The following PKHD1 variants were observed in gnomAD, a reference collection of about 807,000 sequenced individuals.
PKHD1 encodes PKHD1 ciliary IPT domain containing fibrocystin/polyductin.
PKHD1 carries 291 observed loss-of-function variants against 412.0 expected under a neutral mutation model. The ratio of observed to expected loss-of-function variants is 0.71; its 90% CI spans 0.64 to 0.78. The LOEUF is 0.78. Ranked by LOEUF, PKHD1 falls within the 30% of genes least tolerant of loss-of-function variation. PKHD1 has a pLI of 0.00. For synonymous variants in PKHD1, 1,777 were observed against 1,821.5 expected, an observed-to-expected ratio of 0.98 and a Z score of 0.62; for missense variants, 4,825 against 4,950.7, an observed-to-expected ratio of 0.97 and a Z score of 0.76.
chr6:51,640,276 T>C (rs1484001497), intron 63 of PKHD1, among the ~76,000 whole-genome samples: 1 of 152,072 alleles, frequency 6.6e-6, no homozygotes, highest in Non-Finnish European at 1.5e-5. Flanking sequence ...GCACAGTGAG[T>C]TGGCCTCGTA....
rs185778263 is a variant in PKHD1 at position 51,906,887 on chromosome 6, G to C, written c.6683-547C>G. Among the ~76,000 whole-genome samples, 21 of 152,244 alleles carry C rather than the reference G, an allele frequency of 1.4e-4. 1 individual carries two copies. The East Asian group carries it at 3.9e-3, about 28-fold the overall frequency. On this transcript the variant is annotated intron_variant, in intron 40 of 66. Coordinates refer to ENST00000371117, the MANE Select transcript of PKHD1 (RefSeq NM_138694.4). ...AACTGGATAGGTTTATACAACTAAA[G>C]AGGAAGCTATCCTCTACTACGCTAA...
intron 52 of PKHD1, among the ~76,000 whole-genome samples, chr6:51,799,621 T>C (rs1413309701): frequency 6.6e-6 from 1 of 152,154 alleles, no homozygotes; most frequent in Non-Finnish European, 1.5e-5. Context: ...TGTATCACAA[T>C]AATAAATATT....
chr6:51,870,146 C>A (rs550751470), intron 47 of PKHD1, among the ~76,000 whole-genome samples: 2 of 152,308 alleles, frequency 1.3e-5, no homozygotes, highest in South Asian at 2.1e-4. Context: ...TAACTCCATT[C>A]TTTCATTTAA....
intron 47 of PKHD1, 80 bp downstream of exon 47, chr6:51,870,410 GAGATAATGATTCAC>G (rs1419233737): frequency 6.7e-6 from 7 of 1,051,012 alleles, no homozygotes; most frequent in East Asian, 4.9e-5. Context: ...ATAACTGAAA[GAGATAATGATTCAC>G]AAAGTATTTG....
At chr6:51,619,822 C>T (rs766641609) in intron 66 of PKHD1, among the ~76,000 whole-genome samples, 18 of 151,752 alleles carry the variant, frequency 1.2e-4, no homozygotes, top group Non-Finnish European at 2.4e-4. Flanking sequence ...CCAACTCACA[C>T]TTACCAACAG....
intron 60 of PKHD1, among the ~76,000 whole-genome samples, chr6:51,683,408 A>G (rs1020700403): frequency 3.3e-5 from 5 of 152,110 alleles, no homozygotes; most frequent in Non-Finnish European, 4.4e-5. Flanking sequence ...GGCTGGAACT[A>G]TAAGAACAAA....
chr6:51,960,214 C>T (rs1474403456), intron 35 of PKHD1, among the ~76,000 whole-genome samples, 188 bp from the exon 36 acceptor site: 3 of 152,218 alleles, frequency 2.0e-5, no homozygotes, highest in Middle Eastern at 3.4e-3. Context: ...TTAAATGTCT[C>T]CATAAAATTG....
At chr6:51,760,699 A>G (rs1458169755) in intron 55 of PKHD1, among the ~76,000 whole-genome samples, 5 of 152,150 alleles carry the variant, frequency 3.3e-5, no homozygotes, top group African/African-American at 1.2e-4. Flanking sequence ...GAAACATTCC[A>G]AACAAAATAT....
chr6:51,730,853 GACAA>G (rs1038010378), intron 60 of PKHD1, among the ~76,000 whole-genome samples: 1 of 152,142 alleles, frequency 6.6e-6, no homozygotes, highest in Non-Finnish European at 1.5e-5. Flanking sequence ...ACTGAAAATA[GACAA>G]ACATTCATCC....
intron 8 of PKHD1, 48 bp from the exon 9 acceptor site, chr6:52,071,118 CA>C: frequency 8.1e-7 from 1 of 1,238,252 alleles, no homozygotes; most frequent in Non-Finnish European, 1.2e-6. Context: ...AACTCACTAC[CA>C]GAAGATCTGA....
intron 35 of PKHD1, among the ~76,000 whole-genome samples, chr6:51,998,925 A>G (rs1230840082): frequency 2.0e-5 from 3 of 152,186 alleles, no homozygotes; most frequent in Non-Finnish European, 2.9e-5. Flanking sequence ...TTGTTGGGAT[A>G]TCCACAACCC....
Position 51,694,999 on chromosome 6 carries a change from G to A in PKHD1, c.10157-35030C>T, listed in dbSNP as rs371809789. 1.6e-4 allele frequency among the ~76,000 whole-genome samples: 24 copies of A among 152,084 alleles called. No individual in the cohort carries two copies. The East Asian group carries it at 2.9e-3, about 18-fold the overall frequency. On this transcript the variant is annotated intron_variant, in intron 60 of 66. Coordinates refer to ENST00000371117, the MANE Select transcript of PKHD1 (RefSeq NM_138694.4). ...ATCTATGAATAACAACAAGCACAAA[G>A]AAAACAATGTTGCCAAAATTTTAAA... is the stretch of plus-strand genomic sequence containing the variant.
At position 51,874,783 on chromosome 6, in the gene PKHD1, C is replaced by CCAGGCGTGG. The variant is rs1445506685; in HGVS notation, c.7351-4145_7351-4144insCCACGCCTG. On this transcript the variant is annotated intron_variant, in intron 46 of 66. Coordinates refer to ENST00000371117, the MANE Select transcript of PKHD1 (RefSeq NM_138694.4). ...CTGTACTAAAAACACAAAAAATGAG[C>CCAGGCGTGG]TCCGGTCTACAGCTCCCAGCGTGAG... Among the ~76,000 whole-genome samples the CCAGGCGTGG allele has an allele frequency of 1.3e-3, 162 of 120,688 alleles. 1 individual carries two copies. Among genetic ancestry groups the CCAGGCGTGG allele is most frequent in the Middle Eastern group, 7.5e-3 (2 of 268 alleles). The allele number at this position is 120,688 out of a possible 152,430, so 79.2% of individuals were successfully genotyped here.
intron 37 of PKHD1, among the ~76,000 whole-genome samples, chr6:51,926,229 C>T (rs1785594942): frequency 1.3e-5 from 2 of 152,036 alleles, no homozygotes; most frequent in Admixed American, 1.3e-4. Flanking sequence ...GCCATTTCTG[C>T]CTCCATGAGG....
intron 52 of PKHD1, among the ~76,000 whole-genome samples, chr6:51,815,555 C>A (rs983877120): frequency 6.6e-6 from 1 of 152,042 alleles, no homozygotes; most frequent in Non-Finnish European, 1.5e-5. Context: ...AAGAAATAGT[C>A]GATTCCATCC....
At chr6:51,669,395 C>G (rs1425342998) in intron 60 of PKHD1, among the ~76,000 whole-genome samples, 1 of 151,664 alleles carries the variant, frequency 6.6e-6, no homozygotes, top group Admixed American at 6.6e-5. Context: ...TGGTGATATC[C>G]CCTTTATCAT....
At chr6:51,674,612 TC>T (rs1261936135) in intron 60 of PKHD1, among the ~76,000 whole-genome samples, 4 of 152,160 alleles carry the variant, frequency 2.6e-5, no homozygotes. Flanking sequence ...CTTCTACCTG[TC>T]CCTTTGGCAA....
chr6:51,954,458 A>G (rs1367780191), intron 36 of PKHD1, among the ~76,000 whole-genome samples: 1 of 152,084 alleles, frequency 6.6e-6, no homozygotes, highest in Non-Finnish European at 1.5e-5. Flanking sequence ...CTGCTTTAGT[A>G]TAAGCCAGTA....
intron 65 of PKHD1, 129 bp downstream of exon 65, chr6:51,632,436 G>A (rs1023762485): frequency 4.0e-6 from 3 of 742,678 alleles, no homozygotes; most frequent in East Asian, 2.7e-5. Flanking sequence ...TTGGCTTTGT[G>A]TAATTTTATA....
Sources: allele counts gnomAD v4.1 joint callset (sites outside exome capture counted in the v4.1 genomes callset), GRCh38; gene constraint gnomAD v4.1.1; transcripts MANE v1.5; gene names NCBI Gene and HGNC (gene_info 2026-07-23, HGNC 2026-07-21).